Variants in EYS observed in about 807,000 individuals in gnomAD.
The protein encoded by EYS is EGF-like photoreceptor maintenance factor.
A neutral mutation model predicts 282.1 loss-of-function variants in EYS; 250 were observed. The observed-to-expected ratio is 0.89, with a 90% CI of 0.80 to 0.98. EYS has a LOEUF of 0.98. Ranked by LOEUF, EYS falls within the 50% of genes least tolerant of loss-of-function variation. The pLI, the probability that EYS is intolerant of heterozygous loss-of-function variation, is 0.00. For synonymous variants in EYS, 1,355 were observed against 1,282.9 expected (o/e 1.06, Z -1.20); for missense variants, 4,016 against 3,709.0 (o/e 1.08, Z -2.15).
At chr6:65,242,273 T>C (rs533754407) in intron 12 of EYS, among the ~76,000 whole-genome samples, 1 of 152,228 alleles carries the variant, frequency 6.6e-6, no homozygotes, top group South Asian at 2.1e-4. Context: ...AAAGAATCTA[T>C]TAGCATTCAG....
chr6:64,857,438 T>A (rs549215380), intron 19 of EYS, among the ~76,000 whole-genome samples: 1 of 152,282 alleles, frequency 6.6e-6, no homozygotes, highest in South Asian at 2.1e-4. Flanking sequence ...ATTCTCTTTT[T>A]AAAAAAAGGT....
At chr6:63,872,298 C>T (rs1772827894) in intron 35 of EYS, among the ~76,000 whole-genome samples, 1 of 151,798 alleles carries the variant, frequency 6.6e-6, no homozygotes, top group Non-Finnish European at 1.5e-5. Context: ...CCATCGTGCT[C>T]TGCATACCAG....
At chr6:64,385,962 C>T (rs904040147) in intron 29 of EYS, among the ~76,000 whole-genome samples, 1 of 152,124 alleles carries the variant, frequency 6.6e-6, no homozygotes, top group Admixed American at 6.5e-5. Flanking sequence ...TAGCCTAGTT[C>T]TTGATTGCTG....
intron 28 of EYS, among the ~76,000 whole-genome samples, chr6:64,404,378 AGAGTGTGTGTGTGTGT>A (rs772176487): frequency 0.26 from 36,454 of 142,716 alleles, 4,878 homozygotes; most frequent in East Asian, 0.39. Flanking sequence ...ATAGAGTGTG[AGAGTGTGTGTGTGTGT>A]GTGTGTGTGT....
At chr6:64,066,202 C>T (rs567719983) in intron 33 of EYS, 136 bp downstream of exon 33, 110 of 669,930 alleles carry the variant, frequency 1.6e-4, no homozygotes, top group East Asian at 6.9e-4. Context: ...CGCTTGAACC[C>T]GGGAGGCGGA....
chr6:64,335,870 C>T (rs1770831307), intron 29 of EYS, among the ~76,000 whole-genome samples: 1 of 152,120 alleles, frequency 6.6e-6, no homozygotes. Flanking sequence ...TTGTATCCAG[C>T]AAAACTAAGT....
intron 19 of EYS, among the ~76,000 whole-genome samples, chr6:64,839,245 G>A (rs978932788): frequency 4.6e-5 from 7 of 151,820 alleles, no homozygotes; most frequent in Admixed American, 1.3e-4. Context: ...AAGCTAGATT[G>A]GATACATAAA....
chr6:64,902,472 A>G lies in EYS; in HGVS notation c.2670T>C (p.Asp890=). Residue 890 remains aspartate (D), a synonymous_variant, in exon 17 of 43, where the codon GAT becomes GAC. Coordinates refer to ENST00000503581, the MANE Select transcript of EYS (RefSeq NM_001142800.2). ...AGGAAAGGAAGAGGCAGTCTTTCAC[A>G]TCAATTTCACAGTTTTTACCTTCAA... is the stretch of plus-strand genomic sequence containing the variant. ...EEFEGKNCEI[D]VKDCLFLSCQ... 1 of 1,536,868 alleles carries G rather than the reference A, an allele frequency of 6.5e-7. No individual in the cohort carries two copies. Among genetic ancestry groups the G allele is most frequent in the Non-Finnish European group, 8.7e-7 (1 of 1,143,078 alleles).
chr6:65,290,649 A>G (rs961844339), intron 12 of EYS, among the ~76,000 whole-genome samples: 2 of 151,332 alleles, frequency 1.3e-5, no homozygotes, highest in Non-Finnish European at 3.0e-5. Flanking sequence ...ATCTTTGTAT[A>G]AAGTCAGCAC....
At chr6:65,288,908 G>C (rs1207881080) in intron 12 of EYS, among the ~76,000 whole-genome samples, 1 of 150,934 alleles carries the variant, frequency 6.6e-6, no homozygotes, top group African/African-American at 2.4e-5. Context: ...CAATCCCTAG[G>C]TTAAGCACTT....
chr6:64,014,798 T>C (rs1768812155), intron 33 of EYS, among the ~76,000 whole-genome samples: 1 of 151,956 alleles, frequency 6.6e-6, no homozygotes, highest in South Asian at 2.1e-4. Flanking sequence ...TTTTTTGGTT[T>C]CTGAGGTTTT....
At chr6:63,745,639 G>T (rs1034405415) in intron 41 of EYS, among the ~76,000 whole-genome samples, 1 of 152,214 alleles carries the variant, frequency 6.6e-6, no homozygotes, top group Non-Finnish European at 1.5e-5. Flanking sequence ...AAATTTTAAA[G>T]AATGTACTTC....
At chr6:64,663,650 G>A (rs913623857) in intron 22 of EYS, among the ~76,000 whole-genome samples, 1 of 152,092 alleles carries the variant, frequency 6.6e-6, no homozygotes, top group Admixed American at 6.5e-5. Flanking sequence ...AGAGGAACAC[G>A]TTACTTCCAG....
At chr6:64,709,398 G>T (rs112631117) in intron 22 of EYS, among the ~76,000 whole-genome samples, 1,855 of 152,032 alleles carry the variant, frequency 0.012, 24 homozygotes, top group Middle Eastern at 0.024. Context: ...TCTATATCCA[G>T]TTAGATGACA....
At chr6:65,124,060 G>C (rs1050022995) in intron 12 of EYS, among the ~76,000 whole-genome samples, 1 of 152,010 alleles carries the variant, frequency 6.6e-6, no homozygotes, top group South Asian at 2.1e-4. Flanking sequence ...TGTGGTCCCA[G>C]CTACTTGGGA....
chr6:63,867,935 C>G (rs988345308), intron 35 of EYS, among the ~76,000 whole-genome samples: 1 of 152,112 alleles, frequency 6.6e-6, no homozygotes, highest in Non-Finnish European at 1.5e-5. Context: ...AATATTCTCT[C>G]CAGAGTGAAA....
chr6:64,946,377 T>C (rs1445057390), intron 14 of EYS, among the ~76,000 whole-genome samples: 2 of 152,016 alleles, frequency 1.3e-5, no homozygotes, highest in African/African-American at 4.8e-5. Flanking sequence ...TAACAGACTT[T>C]TGGTCAATTA....
chr6:63,870,516 T>A (rs2149712376), intron 35 of EYS, among the ~76,000 whole-genome samples: 1 of 152,352 alleles, frequency 6.6e-6, no homozygotes, highest in African/African-American at 2.4e-5. Flanking sequence ...TATGTTGAAT[T>A]TGCAATGAGA....
chr6:64,758,965 G>A (rs868349891), intron 22 of EYS, among the ~76,000 whole-genome samples: 2 of 151,822 alleles, frequency 1.3e-5, no homozygotes, highest in Admixed American at 1.3e-4. Flanking sequence ...GGTGAAACCC[G>A]GTCTCTACTA....
Sources: gnomAD v4.1 joint callset for allele counts (sites outside exome capture counted in the v4.1 genomes callset) on GRCh38, gnomAD v4.1.1 for gene constraint, MANE v1.5 for transcripts, NCBI Gene and HGNC (gene_info 2026-07-23, HGNC 2026-07-21) for gene names.